Variants in NCOA1 observed in about 807,000 individuals in gnomAD.
NCOA1 encodes Hin-2 protein.
NCOA1 carries 35 observed loss-of-function variants against 150.9 expected under a neutral mutation model. The observed-to-expected ratio is 0.23, with a 90% CI of 0.18 to 0.31. The LOEUF (loss-of-function observed/expected upper bound fraction) is 0.31. Ranked by LOEUF, NCOA1 falls within the 10% of genes least tolerant of loss-of-function variation. The pLI is 1.00. For synonymous variants in NCOA1, 590 were observed against 630.0 expected (o/e 0.94, Z 0.95); for missense variants, 1,491 against 1,749.3 (o/e 0.85, Z 2.63).
chr2:24,655,958 G>A (rs1670923798), intron 4 of NCOA1, among the ~76,000 whole-genome samples: 1 of 151,938 alleles, frequency 6.6e-6, no homozygotes, highest in African/African-American at 2.4e-5. Context: ...CATGGTGGCA[G>A]GTGCCTGTAG....
intron 1 of NCOA1, among the ~76,000 whole-genome samples, chr2:24,513,540 C>T (rs1664025392): frequency 6.6e-6 from 1 of 152,002 alleles, no homozygotes; most frequent in African/African-American, 2.4e-5. Flanking sequence ...CCTGAACATA[C>T]TGGTTGTGAA....
rs114545542 is a variant in NCOA1 at position 24,555,271 on chromosome 2, A to G, written c.-395-9024A>G. ...TAATTTCCAACTCTTTGGTATTCTT[A>G]ATCTATCTTTGAGTTATTAATTTTA... On this transcript the variant is annotated intron_variant, in intron 1 of 22. Transcript: ENST00000348332. 7.6e-3 allele frequency among the ~76,000 whole-genome samples: 1,151 copies of G among 152,254 alleles called. 12 individuals are homozygous for G. Among genetic ancestry groups the G allele is most frequent in the African/African-American group, 0.027 (1,105 of 41,524 alleles).
chr2:24,725,199 A>G (rs1412296462), intron 14 of NCOA1, among the ~76,000 whole-genome samples: 2 of 152,108 alleles, frequency 1.3e-5, no homozygotes, highest in African/African-American at 4.8e-5. Flanking sequence ...GAGAAATTCT[A>G]CCTCAATAAG....
At chr2:24,495,937 G>A (rs987621208) in intron 1 of NCOA1, among the ~76,000 whole-genome samples, 7 of 152,116 alleles carry the variant, frequency 4.6e-5, no homozygotes, top group African/African-American at 1.7e-4. Context: ...TTTCATTAGC[G>A]AATTCATCAC....
intron 2 of NCOA1, among the ~76,000 whole-genome samples, chr2:24,573,274 T>C (rs545331764): frequency 3.3e-5 from 5 of 152,292 alleles, no homozygotes; most frequent in South Asian, 2.1e-4. Flanking sequence ...CTGTGATAGA[T>C]ACTTTATACA....
chr2:24,515,243 AT>A (rs1284340653), intron 1 of NCOA1, among the ~76,000 whole-genome samples: 1 of 151,482 alleles, frequency 6.6e-6, no homozygotes, highest in African/African-American at 2.4e-5. Context: ...CATTTTTATT[AT>A]TTTTTTGAGA....
intron 2 of NCOA1, among the ~76,000 whole-genome samples, chr2:24,576,170 G>GTTTTTGTTTTTGTTTTTTTTTTTTTTTT (rs1666967476): frequency 2.2e-5 from 1 of 46,328 alleles, no homozygotes; most frequent in African/African-American, 6.4e-5. Flanking sequence ...TTTGTTTTTT[G>GTTTTTGTTTTTGTTTTTTTTTTTTTTTT]TTTTTTTTTT....
At chr2:24,537,762 A>G (rs970466432) in intron 1 of NCOA1, among the ~76,000 whole-genome samples, 4 of 152,148 alleles carry the variant, frequency 2.6e-5, no homozygotes, top group Admixed American at 1.3e-4. Context: ...ATGTGAGGTA[A>G]TAAGTTATTA....
intron 1 of NCOA1, among the ~76,000 whole-genome samples, chr2:24,513,712 A>G (rs192169685): frequency 6.6e-6 from 1 of 152,340 alleles, no homozygotes; most frequent in Admixed American, 6.5e-5. Context: ...AAATATACCA[A>G]TTTAAACATT....
chr2:24,570,330 C>A (rs557373618), intron 2 of NCOA1, among the ~76,000 whole-genome samples: 1 of 152,292 alleles, frequency 6.6e-6, no homozygotes, highest in South Asian at 2.1e-4. Flanking sequence ...AGGGTTGTTA[C>A]AACTCAGGTG....
intron 21 of NCOA1, among the ~76,000 whole-genome samples, chr2:24,760,909 G>T (rs553983840): frequency 4.6e-5 from 7 of 151,942 alleles, no homozygotes; most frequent in Admixed American, 4.6e-4. Context: ...GTGTAATGGC[G>T]CAGTCTCCAC....
chr2:24,703,072 C>A (rs966443221), intron 11 of NCOA1, among the ~76,000 whole-genome samples: 1 of 152,140 alleles, frequency 6.6e-6, no homozygotes, highest in African/African-American at 2.4e-5. Flanking sequence ...AGGAAATACT[C>A]ATTCAATACC....
chr2:24,529,820 T>C (rs980065830), intron 1 of NCOA1, among the ~76,000 whole-genome samples: 1 of 152,246 alleles, frequency 6.6e-6, no homozygotes, highest in African/African-American at 2.4e-5. Flanking sequence ...AACTCATGTT[T>C]GCTAATTTTA....
chr2:24,655,884 C>T (rs566453957), intron 4 of NCOA1, among the ~76,000 whole-genome samples: 3 of 151,706 alleles, frequency 2.0e-5, no homozygotes, highest in Admixed American at 6.6e-5. Flanking sequence ...GTCAGGAGAT[C>T]GAGACCATCC....
chr2:24,599,985 C>T (rs1277438325), intron 3 of NCOA1, among the ~76,000 whole-genome samples: 2 of 152,154 alleles, frequency 1.3e-5, no homozygotes, highest in Non-Finnish European at 2.9e-5. Flanking sequence ...CCCGCCTCCG[C>T]CTCCCAAACT....
intron 3 of NCOA1, among the ~76,000 whole-genome samples, chr2:24,620,057 A>G (rs1484612548): frequency 2.0e-5 from 3 of 151,964 alleles, no homozygotes; most frequent in Non-Finnish European, 2.9e-5. Flanking sequence ...CGTTCCTCAT[A>G]CTTACTGTAC....
chr2:24,633,148 A>G (rs1003215841), intron 3 of NCOA1, among the ~76,000 whole-genome samples: 2 of 152,128 alleles, frequency 1.3e-5, no homozygotes, highest in Non-Finnish European at 2.9e-5. Context: ...ATATGCATAC[A>G]CACACACATA....
intron 5 of NCOA1, among the ~76,000 whole-genome samples, chr2:24,661,981 G>C (rs531159876): frequency 2.9e-4 from 44 of 151,952 alleles, no homozygotes; most frequent in Non-Finnish European, 3.7e-4. Context: ...ATTCACATTT[G>C]CTTTAAAAAT....
chr2:24,729,940 G>A, intron 17 of NCOA1, 125 bp downstream of exon 17: 1 of 989,008 alleles, frequency 1.0e-6, no homozygotes, highest in Non-Finnish European at 1.5e-6. Context: ...CCGCCTCCCA[G>A]GTTCAAGCAA....
Sources: gnomAD v4.1 joint callset for allele counts (sites outside exome capture counted in the v4.1 genomes callset) on GRCh38, gnomAD v4.1.1 for gene constraint, MANE v1.5 for transcripts, NCBI Gene and HGNC (gene_info 2026-07-23, HGNC 2026-07-21) for gene names.